The following CATSPERT variants were observed in gnomAD, a reference collection of about 807,000 sequenced individuals.
The protein encoded by CATSPERT is cation channel sperm-associated targeting subunit tau.
At chr2:201,566,426 A>G in the CATSPERT span, among the ~76,000 whole-genome samples, 2 of 137,420 alleles carry the variant, frequency 1.5e-5, no homozygotes, top group African/African-American at 2.8e-5. Context: ...TCATTGTTCA[A>G]TTCCCACCTA....
At chr2:201,517,210 G>A in the CATSPERT span, among the ~76,000 whole-genome samples, 19 of 151,998 alleles carry the variant, frequency 1.3e-4, no homozygotes, top group Non-Finnish European at 2.2e-4. Context: ...GGGAGAGTGA[G>A]CAACAAACAA....
the CATSPERT span, chr2:201,537,527 AAC>A: frequency 0.67 from 895,150 of 1,339,226 alleles, 306,616 homozygotes; most frequent in East Asian, 0.96. Context: ...AAAAACAATA[AAC>A]ACATATGTAT....
the CATSPERT span, among the ~76,000 whole-genome samples, chr2:201,505,833 A>G: frequency 2.0e-5 from 3 of 152,200 alleles, no homozygotes; most frequent in African/African-American, 4.8e-5. Context: ...CAAATGTACT[A>G]TGGTAATGTA....
At chr2:201,549,015 A>C in the CATSPERT span, among the ~76,000 whole-genome samples, 47 of 151,864 alleles carry the variant, frequency 3.1e-4, no homozygotes, top group Non-Finnish European at 5.3e-4. Context: ...ACACACACAC[A>C]CCCCCCAGCC....
chr2:201,503,230 A>G, the CATSPERT span, among the ~76,000 whole-genome samples: 1 of 151,782 alleles, frequency 6.6e-6, no homozygotes, highest in Admixed American at 6.6e-5. Context: ...TTGCTTTTTT[A>G]TATGCCCAGT....
the CATSPERT span, among the ~76,000 whole-genome samples, chr2:201,515,201 AGTTTT>A: frequency 1.4e-5 from 1 of 70,214 alleles, no homozygotes; most frequent in Admixed American, 2.1e-4. Context: ...ATCTGCCCAT[AGTTTT>A]TTTTTTTTTT....
At chr2:201,529,070 A>G in the CATSPERT span, among the ~76,000 whole-genome samples, 4 of 152,192 alleles carry the variant, frequency 2.6e-5, no homozygotes, top group Admixed American at 1.3e-4. Flanking sequence ...TTCTACAAGG[A>G]AAACTATGAA....
At chr2:201,548,907 G>A in the CATSPERT span, among the ~76,000 whole-genome samples, 1 of 152,050 alleles carries the variant, frequency 6.6e-6, no homozygotes, top group East Asian at 1.9e-4. Flanking sequence ...AAAGGGCCTG[G>A]AGCAGTCTAA....
At chr2:201,557,611 C>T in the CATSPERT span, 1 of 152,194 alleles carries the variant, frequency 6.6e-6, no homozygotes, top group Non-Finnish European at 1.5e-5. Flanking sequence ...AGACCTACTC[C>T]ATTCCAGCAC....
the CATSPERT span, among the ~76,000 whole-genome samples, chr2:201,518,221 G>A: frequency 6.6e-6 from 1 of 152,318 alleles, no homozygotes; most frequent in South Asian, 2.1e-4. Context: ...TGGGGTGGAG[G>A]TAGGGGGACT....
chr2:201,495,809 A>C, the CATSPERT span: 1 of 828,138 alleles, frequency 1.2e-6, no homozygotes, highest in Non-Finnish European at 1.8e-6. Flanking sequence ...TCTAATGAGT[A>C]GCTTTTTAGA....
At chr2:201,490,183 A>G in the CATSPERT span, among the ~76,000 whole-genome samples, 1 of 152,188 alleles carries the variant, frequency 6.6e-6, no homozygotes, top group Non-Finnish European at 1.5e-5. Flanking sequence ...TTAATATTAA[A>G]AATATATTTG....
At chr2:201,568,356 T>A in the CATSPERT span, among the ~76,000 whole-genome samples, 1 of 152,226 alleles carries the variant, frequency 6.6e-6, no homozygotes, top group African/African-American at 2.4e-5. Flanking sequence ...AATTGTAATG[T>A]AGGGCTAGAA....
chr2:201,581,558 A>C, the CATSPERT span, among the ~76,000 whole-genome samples: 1 of 50,342 alleles, frequency 2.0e-5, no homozygotes, highest in Admixed American at 2.0e-4. Flanking sequence ...GTATATATAT[A>C]TATATATATA....
chr2:201,509,320 C>G, the CATSPERT span, among the ~76,000 whole-genome samples: 3 of 150,782 alleles, frequency 2.0e-5, no homozygotes, highest in Admixed American at 6.6e-5. Context: ...CATTTTTTAA[C>G]TGTGTTGTTT....
chr2:201,552,239 T>A, the CATSPERT span, among the ~76,000 whole-genome samples: 1 of 152,092 alleles, frequency 6.6e-6, no homozygotes, highest in Non-Finnish European at 1.5e-5. Context: ...CCTCCCAAAG[T>A]GCTGGGATTA....
At chr2:201,490,322 C>A in the CATSPERT span, among the ~76,000 whole-genome samples, 1 of 152,144 alleles carries the variant, frequency 6.6e-6, no homozygotes, top group Non-Finnish European at 1.5e-5. Context: ...AGCCAGATAA[C>A]TGGCACATGG....
the CATSPERT span, among the ~76,000 whole-genome samples, chr2:201,606,146 ATC>A: frequency 6.6e-6 from 1 of 152,230 alleles, no homozygotes; most frequent in Admixed American, 6.5e-5. Flanking sequence ...TAAAGTTATA[ATC>A]CAAGAAAAAT....
the CATSPERT span, among the ~76,000 whole-genome samples, chr2:201,581,475 GGAA>G: frequency 5.0e-5 from 1 of 20,004 alleles, no homozygotes; most frequent in African/African-American, 2.1e-4. Flanking sequence ...CACACATTCC[GGAA>G]TATATATATA....
Sources: allele counts gnomAD v4.1 joint callset (sites outside exome capture counted in the v4.1 genomes callset), GRCh38; gene constraint gnomAD v4.1.1; transcripts MANE v1.5; gene names NCBI Gene and HGNC (gene_info 2026-07-23, HGNC 2026-07-21).